The following TEKTL1 variants were observed in gnomAD, a reference collection of about 807,000 sequenced individuals.
TEKTL1 encodes the protein tektin like 1.
chr19:15,017,442 A>G, the TEKTL1 span, among the ~76,000 whole-genome samples: 2 of 152,206 alleles, frequency 1.3e-5, no homozygotes, highest in African/African-American at 4.8e-5. Flanking sequence ...GGAATATGAT[A>G]TGCTTCATTT....
chr19:15,014,124 C>A, the TEKTL1 span, among the ~76,000 whole-genome samples: 2 of 152,174 alleles, frequency 1.3e-5, no homozygotes, highest in African/African-American at 4.8e-5. Context: ...TCAGTGAAAG[C>A]GCTGTGGTTT....
chr19:15,015,079 C>T, the TEKTL1 span, among the ~76,000 whole-genome samples: 2 of 152,098 alleles, frequency 1.3e-5, no homozygotes, highest in African/African-American at 4.8e-5. Flanking sequence ...AGTCCCTATT[C>T]AGGAGGCTGA....
the TEKTL1 span, chr19:15,021,897 C>A: frequency 1.9e-6 from 3 of 1,613,884 alleles, no homozygotes; most frequent in Non-Finnish European, 2.5e-6. Flanking sequence ...ACCCAACTCC[C>A]GGAGGCTGCG....
the TEKTL1 span, chr19:15,020,687 T>G: frequency 6.3e-7 from 1 of 1,575,546 alleles, no homozygotes; most frequent in South Asian, 1.1e-5. Context: ...TGGGTCGTAT[T>G]GGTGCCCACC....
At chr19:15,011,464 A>C in the TEKTL1 span, 1 of 1,293,568 alleles carries the variant, frequency 7.7e-7, no homozygotes, top group East Asian at 3.1e-5. Flanking sequence ...TGCGGTGTCC[A>C]GCCCCGGGGA....
At chr19:15,014,076 G>A in the TEKTL1 span, among the ~76,000 whole-genome samples, 1 of 152,152 alleles carries the variant, frequency 6.6e-6, no homozygotes, top group African/African-American at 2.4e-5. Flanking sequence ...TGGGAAAATT[G>A]AGACCCAGAG....
chr19:15,021,478 G>C, the TEKTL1 span: 1 of 1,614,220 alleles, frequency 6.2e-7, no homozygotes, highest in Non-Finnish European at 8.5e-7. Flanking sequence ...CCGTGTGTGT[G>C]CCTCGCTGGC....
the TEKTL1 span, among the ~76,000 whole-genome samples, chr19:15,018,905 T>C: frequency 6.6e-6 from 1 of 151,278 alleles, no homozygotes; most frequent in East Asian, 1.9e-4. Flanking sequence ...CTCATCCATG[T>C]GTTTATCTGT....
chr19:15,013,696 C>T, the TEKTL1 span: 1 of 1,613,428 alleles, frequency 6.2e-7, no homozygotes, highest in South Asian at 1.1e-5. Context: ...TGACAGTATG[C>T]TTACATGGGA....
the TEKTL1 span, among the ~76,000 whole-genome samples, chr19:15,017,649 G>A: frequency 1.3e-5 from 2 of 152,082 alleles, no homozygotes; most frequent in African/African-American, 4.8e-5. Flanking sequence ...TCAAGATGTG[G>A]GTATAGTGAG....
chr19:15,016,516 C>T, the TEKTL1 span, among the ~76,000 whole-genome samples: 2 of 152,228 alleles, frequency 1.3e-5, no homozygotes, highest in African/African-American at 4.8e-5. Context: ...TCACTGTATC[C>T]CCACCACCTG....
the TEKTL1 span, chr19:15,021,306 G>T: frequency 6.2e-7 from 1 of 1,601,792 alleles, no homozygotes; most frequent in South Asian, 1.1e-5. Flanking sequence ...CAGGGGCTCT[G>T]GGAACGGAGG....
chr19:15,011,008 C>G, the TEKTL1 span: 1 of 1,586,402 alleles, frequency 6.3e-7, no homozygotes, highest in Non-Finnish European at 8.6e-7. Context: ...TGGCCCACCA[C>G]CTCGGCCGCG....
chr19:15,015,532 C>A, the TEKTL1 span, among the ~76,000 whole-genome samples: 1 of 152,234 alleles, frequency 6.6e-6, no homozygotes, highest in South Asian at 2.1e-4. Context: ...TCCTATAATT[C>A]CACCCTTCCA....
At chr19:15,023,077 G>C in the TEKTL1 span, 1 of 1,608,802 alleles carries the variant, frequency 6.2e-7, no homozygotes, top group East Asian at 2.2e-5. Context: ...ACTGGGACCC[G>C]CGCACGCCGC....
At chr19:15,013,865 C>T in the TEKTL1 span, 7 of 753,898 alleles carry the variant, frequency 9.3e-6, no homozygotes, top group Non-Finnish European at 1.6e-5. Flanking sequence ...GGGACTGTCA[C>T]AATAGCAATT....
chr19:15,018,733 A>T, the TEKTL1 span, among the ~76,000 whole-genome samples: 1 of 39,160 alleles, frequency 2.6e-5, no homozygotes. Context: ...TATATATATA[A>T]CTTCCCTGGA....
the TEKTL1 span, among the ~76,000 whole-genome samples, chr19:15,019,808 T>C: frequency 6.6e-6 from 1 of 151,808 alleles, no homozygotes; most frequent in Admixed American, 6.6e-5. Flanking sequence ...GGCAACATAG[T>C]GAGACCCTGT....
the TEKTL1 span, among the ~76,000 whole-genome samples, chr19:15,011,894 C>T: frequency 1.3e-5 from 2 of 152,040 alleles, no homozygotes; most frequent in Non-Finnish European, 2.9e-5. Flanking sequence ...TTCCAGGTTG[C>T]AGTGAACTAT....
Sources: allele counts gnomAD v4.1 joint callset (sites outside exome capture counted in the v4.1 genomes callset), GRCh38; gene constraint gnomAD v4.1.1; transcripts MANE v1.5; gene names NCBI Gene and HGNC (gene_info 2026-07-23, HGNC 2026-07-21).